Variants in CACNB4 observed in about 807,000 individuals in gnomAD.
The protein encoded by CACNB4 is voltage-dependent L-type calcium channel subunit beta-4.
A neutral mutation model predicts 71.2 loss-of-function variants in CACNB4; 32 were observed. The ratio of observed to expected loss-of-function variants is 0.45; its 90% CI spans 0.34 to 0.60. The LOEUF (loss-of-function observed/expected upper bound fraction) is 0.60, where lower values mean the gene tolerates loss of function less well. CACNB4 is among the 20% of genes least tolerant of loss of function. The pLI is 0.01. For synonymous variants in CACNB4, 231 were observed against 236.9 expected (o/e 0.97, Z 0.23); for missense variants, 464 against 647.9 (o/e 0.72, Z 3.08).
At chr2:151,869,890 C>T (rs1559897974) in intron 8 of CACNB4, 1 of 332,128 alleles carries the variant, frequency 3.0e-6, no homozygotes. Flanking sequence ...CTGGAGGCTG[C>T]TCACCTTCAG....
At chr2:152,079,742 C>T (rs574982706) in intron 2 of CACNB4, among the ~76,000 whole-genome samples, 6 of 152,152 alleles carry the variant, frequency 3.9e-5, no homozygotes, top group Admixed American at 6.5e-5. Context: ...GCGGTGATGG[C>T]GCCACTGTGC....
intron 2 of CACNB4, among the ~76,000 whole-genome samples, chr2:151,945,832 A>T (rs1450301494): frequency 6.8e-6 from 1 of 148,044 alleles, no homozygotes; most frequent in African/African-American, 2.5e-5. Context: ...AGCTAAGATT[A>T]TTGCACTTCA....
chr2:152,095,199 G>T (rs1688199978), intron 2 of CACNB4, among the ~76,000 whole-genome samples: 1 of 152,188 alleles, frequency 6.6e-6, no homozygotes, highest in Non-Finnish European at 1.5e-5. Flanking sequence ...CAAGGTCAAA[G>T]ATTCCTGAGG....
intron 2 of CACNB4, among the ~76,000 whole-genome samples, chr2:151,899,195 G>A (rs187655951): frequency 1.9e-3 from 296 of 152,314 alleles, no homozygotes; most frequent in Non-Finnish European, 3.1e-3. Context: ...CAAGAGAGAC[G>A]AGTTCAAGAA....
At chr2:151,884,507 G>T (rs192583407) in intron 2 of CACNB4, among the ~76,000 whole-genome samples, 2 of 149,742 alleles carry the variant, frequency 1.3e-5, no homozygotes, top group Non-Finnish European at 3.0e-5. Flanking sequence ...GGTGGCGGGC[G>T]CCTGTAGTCC....
At chr2:151,999,135 A>G (rs977666789) in intron 2 of CACNB4, among the ~76,000 whole-genome samples, 3 of 152,136 alleles carry the variant, frequency 2.0e-5, no homozygotes, top group Non-Finnish European at 4.4e-5. Flanking sequence ...AATTATCCAG[A>G]CAATCAATCA....
At chr2:151,870,911 G>C in intron 6 of CACNB4, 50 bp from the exon 7 acceptor site, 1 of 1,372,022 alleles carries the variant, frequency 7.3e-7, no homozygotes. Context: ...CTCTGCAAAT[G>C]ACAGTACATG....
intron 2 of CACNB4, among the ~76,000 whole-genome samples, chr2:152,057,412 G>A (rs1455792895): frequency 1.3e-5 from 2 of 152,140 alleles, no homozygotes; most frequent in African/African-American, 2.4e-5. Flanking sequence ...TGTTATTCAT[G>A]CAACAATAAT....
chr2:151,890,337 G>A (rs192297255), intron 2 of CACNB4, among the ~76,000 whole-genome samples: 133 of 152,290 alleles, frequency 8.7e-4, no homozygotes, highest in African/African-American at 3.1e-3. Flanking sequence ...GGGTAGCAAA[G>A]GAGCATGTTC....
rs749343139 is a variant in CACNB4, at chr2:151,880,878, G to A, written c.312C>T (p.Cys104=). Residue 104 remains cysteine, a synonymous_variant, in exon 4 of 14, where the codon TGC becomes TGT. Transcript: ENST00000539935. Reference sequence around the variant, plus strand: ...CAGGCACATCCTCGTCCAGGGCGCCGCAGTAGCTCACATTTGTCTTCACGG... The same window carrying A: ...CAGGCACATCCTCGTCCAGGGCGCCACAGTAGCTCACATTTGTCTTCACGG... ...AFAVKTNVSY[C]GALDEDVPVP... The A allele has an allele frequency of 6.2e-6, 10 of 1,613,330 alleles. No individual in the cohort carries two copies. The highest frequency in any genetic ancestry group is 4.5e-5 in the East Asian group (2 of 44,852).
chr2:151,992,070 A>AC (rs929592031), intron 2 of CACNB4, among the ~76,000 whole-genome samples: 11 of 151,726 alleles, frequency 7.2e-5, no homozygotes, highest in Non-Finnish European at 8.8e-5. Flanking sequence ...TTAATCCTCG[A>AC]CCCCCCTTCA....
At chr2:151,997,260 C>A (rs935967857) in intron 2 of CACNB4, among the ~76,000 whole-genome samples, 1 of 152,170 alleles carries the variant, frequency 6.6e-6, no homozygotes, top group Non-Finnish European at 1.5e-5. Flanking sequence ...GGGGGCCAGG[C>A]GCAGTGGCTC....
rs898525524 is a variant in CACNB4, at chr2:151,872,067, G to A, written c.598+350C>T. ...GACTGAAAACAGCATTTTCTTGAGAGTCTGCATCATTTTTTTCCTTTTTTT... is the reference window on the plus strand; with the variant it reads ...GACTGAAAACAGCATTTTCTTGAGAATCTGCATCATTTTTTTCCTTTTTTT... On this transcript the variant is annotated intron_variant, in intron 6 of 13. Coordinates refer to ENST00000539935, the MANE Select transcript of CACNB4 (RefSeq NM_000726.5). 9.2e-5 allele frequency: 25 copies of A among 271,476 alleles called. No individual in the cohort carries two copies. The Admixed American group carries it at 1.2e-3, about 13-fold the overall frequency. The allele number at this position is 271,476 out of a possible 1,614,324, so 16.8% of individuals were successfully genotyped here. A position where few individuals can be genotyped will look rare whatever the true frequency, so the allele number is the denominator to read the frequency against.
intron 2 of CACNB4, among the ~76,000 whole-genome samples, chr2:152,025,845 A>T (rs1435452490): frequency 1.3e-5 from 2 of 152,160 alleles, no homozygotes; most frequent in African/African-American, 4.8e-5. Flanking sequence ...GAAACAGTGA[A>T]TTTTTCTTGT....
intron 2 of CACNB4, chr2:151,972,134 G>A (rs2099872738): frequency 1.3e-5 from 2 of 155,162 alleles, no homozygotes; most frequent in Admixed American, 1.2e-4. Context: ...CAGTGCATCT[G>A]AAATGTATAC....
intron 2 of CACNB4, among the ~76,000 whole-genome samples, chr2:151,988,165 A>ATT (rs900706326): frequency 1.3e-5 from 2 of 151,704 alleles, no homozygotes; most frequent in East Asian, 3.9e-4. Context: ...CTGCTACTGT[A>ATT]TTTTTTTTTC....
At chr2:152,088,685 C>T (rs561770306) in intron 2 of CACNB4, among the ~76,000 whole-genome samples, 14 of 152,228 alleles carry the variant, frequency 9.2e-5, no homozygotes, top group African/African-American at 3.4e-4. Context: ...ATTCAGTAGC[C>T]GTCGAATAAG....
chr2:151,994,734 T>C (rs192261260), intron 2 of CACNB4, among the ~76,000 whole-genome samples: 1 of 152,234 alleles, frequency 6.6e-6, no homozygotes, highest in Admixed American at 6.5e-5. Flanking sequence ...ATCTAGGAGA[T>C]ACATCATTTA....
At chr2:151,994,935 C>T (rs1681955350) in intron 2 of CACNB4, among the ~76,000 whole-genome samples, 1 of 152,112 alleles carries the variant, frequency 6.6e-6, no homozygotes, top group Admixed American at 6.6e-5. Context: ...TATCTAGCTG[C>T]CTTGTCAATT....
Sources: allele counts gnomAD v4.1 joint callset (sites outside exome capture counted in the v4.1 genomes callset), GRCh38; gene constraint gnomAD v4.1.1; transcripts MANE v1.5; gene names NCBI Gene and HGNC (gene_info 2026-07-23, HGNC 2026-07-21).